The following DYM variants were observed in gnomAD, a reference collection of about 807,000 sequenced individuals.
DYM encodes the protein dymeclin, also known as dyggve-Melchior-Clausen syndrome protein.
A neutral mutation model predicts 93.1 loss-of-function variants in DYM; 78 were observed. That is an observed-to-expected ratio of 0.84 (90% CI 0.70 to 1.01). DYM has a LOEUF of 1.01. DYM is among the 50% of genes least tolerant of loss of function. The pLI, the probability that DYM is intolerant of heterozygous loss-of-function variation, is 0.00. For synonymous variants in DYM, 321 were observed against 319.7 expected (o/e 1.00, Z -0.04); for missense variants, 789 against 845.0 (o/e 0.93, Z 0.82).
chr18:49,055,422 G>A (rs1447031921), intron 17 of DYM, among the ~76,000 whole-genome samples: 1 of 152,204 alleles, frequency 6.6e-6, no homozygotes, highest in East Asian at 1.9e-4. Flanking sequence ...AAGGCTGACT[G>A]CATTACTGAG....
chr18:49,441,046 ATAAT>A (rs2081420580), intron 1 of DYM, among the ~76,000 whole-genome samples: 1 of 7,488 alleles, frequency 1.3e-4, no homozygotes, highest in Non-Finnish European at 2.9e-4. Flanking sequence ...ATATAAATAT[ATAAT>A]ATATTTATAT....
chr18:49,455,955 A>AG (rs1394678878), intron 1 of DYM, among the ~76,000 whole-genome samples: 1 of 152,052 alleles, frequency 6.6e-6, no homozygotes, highest in East Asian at 1.9e-4. Context: ...TCAAAAAAAA[A>AG]AAAGCAAAAA....
intron 17 of DYM, among the ~76,000 whole-genome samples, chr18:49,092,269 C>A (rs1233751042): frequency 1.3e-5 from 2 of 152,112 alleles, no homozygotes; most frequent in Admixed American, 1.3e-4. Context: ...TTGCCTTGGG[C>A]CTTCTCTTGT....
At chr18:49,322,456 A>C (rs555987489) in intron 8 of DYM, among the ~76,000 whole-genome samples, 2 of 152,138 alleles carry the variant, frequency 1.3e-5, no homozygotes, top group Non-Finnish European at 2.9e-5. Context: ...GGAGAAAAAT[A>C]TATTAAAAGA....
At chr18:49,443,174 A>G (rs1209773414) in intron 1 of DYM, among the ~76,000 whole-genome samples, 1 of 152,188 alleles carries the variant, frequency 6.6e-6, no homozygotes, top group African/African-American at 2.4e-5. Flanking sequence ...AAATCGTTGA[A>G]AAAAATCAAA....
chr18:49,181,540 G>A (rs1472827484), intron 14 of DYM, among the ~76,000 whole-genome samples: 1 of 152,060 alleles, frequency 6.6e-6, no homozygotes, highest in Non-Finnish European at 1.5e-5. Context: ...TACTTACCAG[G>A]TGAACATACC....
chr18:49,090,436 A>G (rs2078941334), intron 17 of DYM, among the ~76,000 whole-genome samples: 1 of 152,244 alleles, frequency 6.6e-6, no homozygotes, highest in Admixed American at 6.5e-5. Flanking sequence ...AGTGATAAAA[A>G]TAAAAACAGG....
In DYM at chr18:49,318,630, A is replaced by G. The variant is rs117067882; in HGVS notation, c.763+13234T>C. On this transcript the variant is annotated intron_variant, in intron 8 of 17. Transcript: ENST00000675505. ...AGCAAGACTCTGTCCCCCCACAAAA[A>G]AGAGAGAGAGAGAGAGAAAGAAATT... 6.6e-3 allele frequency among the ~76,000 whole-genome samples: 995 copies of G among 150,898 alleles called. 5 individuals carry two copies. The highest frequency in any genetic ancestry group is 0.014 in the South Asian group (67 of 4,774).
At chr18:49,238,452 ATAT>A (rs1204430615) in intron 13 of DYM, among the ~76,000 whole-genome samples, 4 of 151,548 alleles carry the variant, frequency 2.6e-5, no homozygotes, top group Non-Finnish European at 4.4e-5. Flanking sequence ...ATATAATAGT[ATAT>A]AATAATATTA....
chr18:49,158,974 C>T (rs996217420), intron 15 of DYM, among the ~76,000 whole-genome samples: 4 of 151,918 alleles, frequency 2.6e-5, no homozygotes, highest in South Asian at 2.1e-4. Context: ...ACTCATTGTA[C>T]GTGGGTATTA....
chr18:49,209,560 T>C lies in DYM; in HGVS notation c.1616A>G (p.Tyr539Cys), dbSNP rs758214879. ...SLTCSHILRS[Y>C]ASSLFSLLSK... ...AGCAGAGGTTAATAACCTGGAAGCATAGGATCTGAGAATGTGAGAGCAAGT... is the reference window on the plus strand; with the variant it reads ...AGCAGAGGTTAATAACCTGGAAGCACAGGATCTGAGAATGTGAGAGCAAGT... The change falls in exon 14 of 18, where the codon TAT (tyrosine) becomes TGT (cysteine). Residue 539 changes from tyrosine (Y) to cysteine (C), a missense_variant. By Grantham distance (194) the Tyr-to-Cys change is radical (BLOSUM62 -2). Around this residue, in one of 3 missense-constraint regions of DYM, gnomAD observed 225 missense variants for 303.0 expected, o/e 0.74. Coordinates refer to ENST00000675505, the MANE Select transcript of DYM (RefSeq NM_001353214.3). 11 of 1,289,426 alleles carry C rather than the reference T, an allele frequency of 8.5e-6. No homozygotes were observed. Among genetic ancestry groups the C allele is most frequent in the South Asian group, 3.7e-5 (3 of 80,976 alleles). The allele number at this position is 1,289,426 out of a possible 1,614,324, so 79.9% of individuals were successfully genotyped here. A position where few individuals can be genotyped will look rare whatever the true frequency, so the allele number is the denominator to read the frequency against.
chr18:49,155,138 G>A (rs1457561496), intron 15 of DYM, among the ~76,000 whole-genome samples: 1 of 152,204 alleles, frequency 6.6e-6, no homozygotes, highest in Non-Finnish European at 1.5e-5. Context: ...CAAGGTTGAA[G>A]AATATACACA....
chr18:49,069,778 C>T (rs1040174396), intron 17 of DYM, among the ~76,000 whole-genome samples: 3 of 152,168 alleles, frequency 2.0e-5, no homozygotes, highest in Admixed American at 6.5e-5. Context: ...CATGGTGGCT[C>T]ACGCCTGTAA....
chr18:49,147,529 G>C (rs558233327), intron 15 of DYM, among the ~76,000 whole-genome samples: 1 of 152,084 alleles, frequency 6.6e-6, no homozygotes, highest in East Asian at 1.9e-4. Flanking sequence ...AAAAGTGGGC[G>C]AAGGATATGA....
At chr18:49,178,034 C>T (rs1402071722) in intron 14 of DYM, among the ~76,000 whole-genome samples, 1 of 152,058 alleles carries the variant, frequency 6.6e-6, no homozygotes, top group African/African-American at 2.4e-5. Context: ...GCTCCCTTTC[C>T]AACCTCTTAA....
intron 13 of DYM, among the ~76,000 whole-genome samples, chr18:49,250,615 CA>C (rs1336377866): frequency 5.3e-5 from 8 of 152,172 alleles, no homozygotes; most frequent in Non-Finnish European, 8.8e-5. Context: ...TTGGTCCAAA[CA>C]AAAGGCCTAG....
At chr18:49,154,309 G>C (rs951520803) in intron 15 of DYM, among the ~76,000 whole-genome samples, 1 of 152,106 alleles carries the variant, frequency 6.6e-6, no homozygotes, top group Non-Finnish European at 1.5e-5. Flanking sequence ...TAATGTACCA[G>C]TATTAATTCC....
intron 14 of DYM, among the ~76,000 whole-genome samples, chr18:49,172,872 AT>A (rs2088927113): frequency 6.6e-6 from 1 of 151,938 alleles, no homozygotes; most frequent in African/African-American, 2.4e-5. Flanking sequence ...GATCCCAAAG[AT>A]TTTCTATGAT....
chr18:49,408,608 C>A (rs1401379569), intron 2 of DYM, among the ~76,000 whole-genome samples: 3 of 152,172 alleles, frequency 2.0e-5, no homozygotes, highest in Admixed American at 2.0e-4. Context: ...ATCCAGTTAT[C>A]TTTAAACTCA....
Sources: gnomAD v4.1 joint callset for allele counts (sites outside exome capture counted in the v4.1 genomes callset) on GRCh38, gnomAD v4.1.1 for gene constraint, gnomAD v4.1.1 regional missense constraint, MANE v1.5 for transcripts, NCBI Gene and HGNC (gene_info 2026-07-23, HGNC 2026-07-21) for gene names.